Variants in DMXL1 observed in about 807,000 individuals in gnomAD.
DMXL1 encodes the protein Dmx like 1.
DMXL1 carries 99 observed loss-of-function variants against 319.2 expected under a neutral mutation model. The observed-to-expected ratio is 0.31, with a 90% CI of 0.26 to 0.37. The LOEUF (loss-of-function observed/expected upper bound fraction) is 0.37, where lower values mean the gene tolerates loss of function less well. DMXL1 is among the 10% of genes least tolerant of loss of function. The pLI is 1.00. For missense variants in DMXL1, 3,745 were observed against 3,595.6 expected, an observed-to-expected ratio of 1.04 and a Z score of -1.06; for synonymous variants, 1,385 against 1,235.2, an observed-to-expected ratio of 1.12 and a Z score of -2.54.
At chr5:119,241,050 A>T (rs1788687253) in intron 42 of DMXL1, among the ~76,000 whole-genome samples, 1 of 152,172 alleles carries the variant, frequency 6.6e-6, no homozygotes, top group African/African-American at 2.4e-5. Flanking sequence ...TCCCCCCAGA[A>T]TTTAACTACT....
intron 34 of DMXL1, 59 bp downstream of exon 34, chr5:119,206,955 A>G (rs1208533549): frequency 1.9e-6 from 2 of 1,066,624 alleles, no homozygotes; most frequent in Non-Finnish European, 2.7e-6. Flanking sequence ...AGAACAAAGC[A>G]TTTGCATTTT....
chr5:119,090,027 TTTTTTTTTTTG>T (rs1431084165), intron 1 of DMXL1, among the ~76,000 whole-genome samples: 23 of 72,248 alleles, frequency 3.2e-4, no homozygotes, highest in Admixed American at 6.5e-4. Flanking sequence ...TTTTTTTTTT[TTTTTTTTTTTG>T]AGAAGGACTT....
intron 19 of DMXL1, among the ~76,000 whole-genome samples, chr5:119,162,116 A>G (rs912285068): frequency 2.0e-5 from 3 of 152,162 alleles, no homozygotes; most frequent in African/African-American, 7.2e-5. Flanking sequence ...CTGTGGATCT[A>G]GGGAATTTTC....
rs1751017740 is a variant in DMXL1, at chr5:119,076,965, T to TA, written c.87+5310dup. On this transcript the variant is annotated intron_variant, in intron 1 of 43. Transcript: ENST00000539542. Reference sequence around the variant, plus strand: ...GGATTTTCATTTGTCAATTTAATTTTATTGGTTAGTAATAGATTATTCTGA... The same window carrying TA: ...GGATTTTCATTTGTCAATTTAATTTTAATTGGTTAGTAATAGATTATTCTGA... Among the ~76,000 whole-genome samples, 2 of 152,256 alleles carry TA rather than the reference T, an allele frequency of 1.3e-5. 1 individual carries two copies. Among genetic ancestry groups the TA allele is most frequent in the African/African-American group, 4.8e-5 (2 of 41,474 alleles).
rs960137662 is a variant in DMXL1, at chr5:119,071,411, G to C, written c.-159G>C. The C allele has an allele frequency of 2.9e-6, 2 of 683,748 alleles. No individual in the cohort carries two copies. Among genetic ancestry groups the C allele is most frequent in the African/African-American group, 1.9e-5 (1 of 52,308 alleles). The allele number at this position is 683,748 out of a possible 1,614,324, so 42.4% of individuals were successfully genotyped here. On this transcript the variant is annotated 5_prime_UTR_variant, in exon 1 of 44. Transcript: ENST00000539542. ...CCCTCCGGGGCTCGGGATGAGTCGC[G>C]GGCCCCAGCTGAGCGGCTCCGGCTC...
Position 119,111,668 on chromosome 5 carries a change from G to C in DMXL1, c.497+1385G>C, listed in dbSNP as rs144446756. On this transcript the variant is annotated intron_variant, in intron 5 of 43. Transcript: ENST00000539542. The stretch of plus-strand genomic sequence containing the variant: ...TTTCTATAAAGCAAATTGTCCATAA[G>C]GGAAGAAACACAAACATGAGGAGAA... Among the ~76,000 whole-genome samples the C allele has an allele frequency of 5.6e-3, 860 of 152,248 alleles. 8 individuals carry two copies. Among genetic ancestry groups the C allele is most frequent in the African/African-American group, 0.02 (827 of 41,554 alleles).
intron 38 of DMXL1, among the ~76,000 whole-genome samples, chr5:119,231,125 C>T (rs1320939908): frequency 2.0e-5 from 3 of 152,124 alleles, no homozygotes; most frequent in African/African-American, 7.2e-5. Flanking sequence ...ATTAGAGATT[C>T]CCTTTTATTT....
intron 19 of DMXL1, among the ~76,000 whole-genome samples, chr5:119,153,979 G>T (rs563371720): frequency 1.3e-5 from 2 of 152,138 alleles, no homozygotes; most frequent in African/African-American, 2.4e-5. Flanking sequence ...TCTGTCATCT[G>T]TGATCAGTGA....
At chr5:119,224,471 T>C (rs1581423839) in intron 37 of DMXL1, among the ~76,000 whole-genome samples, 1 of 152,058 alleles carries the variant, frequency 6.6e-6, no homozygotes, top group African/African-American at 2.4e-5. Flanking sequence ...GAGGGAAGAC[T>C]AAATTCTTGA....
At chr5:119,199,459 C>G (rs945116665) in intron 32 of DMXL1, among the ~76,000 whole-genome samples, 46 of 152,088 alleles carry the variant, frequency 3.0e-4, no homozygotes, top group African/African-American at 8.5e-4. Flanking sequence ...TTTCTTTATC[C>G]AGTCTGTCAC....
At chr5:119,233,607 A>T in intron 39 of DMXL1, 140 bp downstream of exon 39, 1 of 591,548 alleles carries the variant, frequency 1.7e-6, no homozygotes, top group Non-Finnish European at 2.8e-6. Context: ...AATTCTTCTC[A>T]AAGAACACTT....
intron 19 of DMXL1, among the ~76,000 whole-genome samples, chr5:119,154,897 A>G (rs774471541): frequency 3.3e-5 from 5 of 152,356 alleles, no homozygotes; most frequent in African/African-American, 9.6e-5. Flanking sequence ...GTTGAAGCCA[A>G]TGCCCATTTA....
intron 1 of DMXL1, among the ~76,000 whole-genome samples, chr5:119,080,182 C>G (rs1168155769): frequency 6.6e-6 from 1 of 152,022 alleles, no homozygotes; most frequent in Non-Finnish European, 1.5e-5. Context: ...CCTGTTTCTA[C>G]TAAAAATACA....
intron 28 of DMXL1, among the ~76,000 whole-genome samples, chr5:119,185,062 T>C (rs113418234): frequency 4.0e-4 from 61 of 152,244 alleles, no homozygotes; most frequent in African/African-American, 1.3e-3. Context: ...ATGTTAAACA[T>C]TGACAAAATT....
chr5:119,202,775 C>T (rs889991861), intron 32 of DMXL1, among the ~76,000 whole-genome samples: 10 of 150,320 alleles, frequency 6.7e-5, no homozygotes, highest in Non-Finnish European at 1.5e-4. Context: ...CGCTTGAACC[C>T]AGGAGGTGGA....
At chr5:119,099,521 A>G (rs1756761148) in intron 2 of DMXL1, among the ~76,000 whole-genome samples, 3 of 151,834 alleles carry the variant, frequency 2.0e-5, no homozygotes, top group African/African-American at 7.3e-5. Context: ...TGAGATTTTT[A>G]TTTTCATTCT....
intron 42 of DMXL1, among the ~76,000 whole-genome samples, chr5:119,243,514 A>G (rs984427648): frequency 6.6e-6 from 1 of 152,072 alleles, no homozygotes; most frequent in Admixed American, 6.6e-5. Flanking sequence ...TTTTTTCCCT[A>G]AAATTTGTTA....
intron 34 of DMXL1, among the ~76,000 whole-genome samples, chr5:119,212,601 T>C (rs1782993064): frequency 6.6e-6 from 1 of 152,176 alleles, no homozygotes; most frequent in African/African-American, 2.4e-5. Flanking sequence ...ATTCTGTGTT[T>C]AGTTTTTGAT....
chr5:119,208,342 TA>T (rs1308869717), intron 34 of DMXL1, among the ~76,000 whole-genome samples: 2 of 151,558 alleles, frequency 1.3e-5, no homozygotes, highest in Non-Finnish European at 2.9e-5. Context: ...GCCTCCCGAG[TA>T]GCTGGGATTA....
Sources: allele counts gnomAD v4.1 joint callset (sites outside exome capture counted in the v4.1 genomes callset), GRCh38; gene constraint gnomAD v4.1.1; transcripts MANE v1.5; gene names NCBI Gene and HGNC (gene_info 2026-07-23, HGNC 2026-07-21).